The following TARBP1 variants were observed in gnomAD, a reference collection of about 807,000 sequenced individuals.
The protein encoded by TARBP1 is tRNA guanosine 2 -O-methyltransferase TARBP1, also known as tRNA (guanosine(18)-2'-O)-methyltransferase TARBP1.
In TARBP1, 144 loss-of-function variants were observed where a neutral mutation model predicts 178.6. The observed-to-expected ratio is 0.81, with a 90% confidence interval of 0.70 to 0.93. The LOEUF (loss-of-function observed/expected upper bound fraction) is 0.93. Ranked by LOEUF, TARBP1 falls within the 40% of genes least tolerant of loss-of-function variation. TARBP1 has a pLI of 0.00. For synonymous variants in TARBP1, 787 were observed against 781.0 expected, an observed-to-expected ratio of 1.01 and a Z score of -0.13; for missense variants, 2,067 against 2,011.7, an observed-to-expected ratio of 1.03 and a Z score of -0.53.
Position 234,418,094 on chromosome 1 carries a change from C to A in TARBP1, c.3695G>T (p.Cys1232Phe). The A allele has an allele frequency of 2.2e-6, 3 of 1,360,930 alleles. No individual in the cohort carries two copies. The highest frequency in any genetic ancestry group is 3.2e-5 in the South Asian group (2 of 62,974). 84.3% of individuals were successfully genotyped at this position (1,360,930 alleles called of 1,614,324 possible). The change falls in exon 22 of 30, where the codon TGT becomes TTT. Residue 1232 changes from cysteine to phenylalanine, a missense_variant. Coordinates refer to ENST00000040877, the MANE Select transcript of TARBP1 (RefSeq NM_005646.4). ...FPQFLPKFWD[C>F]FSYGEENLKT... ...ATATTCTTTACTTACATAAGAAAAA[C>A]AATCCCAGAACTTTGGAAGAAATTG...
intron 6 of TARBP1, among the ~76,000 whole-genome samples, chr1:234,462,687 C>CAAAAAAAAAAAAAAAAAAAAAAAAAAAA (rs35604890): frequency 9.7e-6 from 1 of 102,800 alleles, no homozygotes; most frequent in Non-Finnish European, 1.9e-5. Context: ...GACTTCATCT[C>CAAAAAAAAAAAAAAAAAAAAAAAAAAAA]AAAAAAAAAA....
In TARBP1 at chr1:234,451,766, A is replaced by AAAAAAAAAAAAAAAAAAAAAAAAAC. The variant is rs57636903; in HGVS notation, c.1723-1201_1723-1200insGTTTTTTTTTTTTTTTTTTTTTTTT. Among the ~76,000 whole-genome samples the AAAAAAAAAAAAAAAAAAAAAAAAAC allele has an allele frequency of 1.2e-4, 2 of 17,174 alleles. 1 individual carries two copies. Among genetic ancestry groups the AAAAAAAAAAAAAAAAAAAAAAAAAC allele is most frequent in the African/African-American group, 8.2e-4 (2 of 2,438 alleles). The allele number at this position is 17,174 out of a possible 152,430, so 11.3% of individuals were successfully genotyped here. A position where few individuals can be genotyped will look rare whatever the true frequency, so the allele number is the denominator to read the frequency against. ...TCCGTCTCAAAAAAAAAAAAAAAAAATGATGAATGACTGGATCATCGAAGT... is the reference window on the plus strand; with the variant it reads ...TCCGTCTCAAAAAAAAAAAAAAAAAAAAAAAAAAAAAAAAAAAAAAAAAACTGATGAATGACTGGATCATCGAAGT... On this transcript the variant is annotated intron_variant, in intron 9 of 29. Coordinates refer to ENST00000040877, the MANE Select transcript of TARBP1 (RefSeq NM_005646.4).
intron 21 of TARBP1, among the ~76,000 whole-genome samples, chr1:234,418,670 T>C (rs1287876344): frequency 6.6e-6 from 1 of 152,214 alleles, no homozygotes; most frequent in Non-Finnish European, 1.5e-5. Context: ...CTTGGGCCAC[T>C]GAGCCCTCTG....
chr1:234,395,442 C>T (rs910280605), intron 26 of TARBP1, among the ~76,000 whole-genome samples: 1 of 152,114 alleles, frequency 6.6e-6, no homozygotes, highest in Non-Finnish European at 1.5e-5. Flanking sequence ...GAGGAGGAGG[C>T]AGCTTTGGGA....
chr1:234,450,678 G>A (rs755074528), intron 9 of TARBP1, 112 bp from the exon 10 acceptor site: 20 of 1,207,470 alleles, frequency 1.7e-5, no homozygotes, highest in South Asian at 9.0e-5. Context: ...TTAAATAATC[G>A]AATACAAAGT....
intron 17 of TARBP1, among the ~76,000 whole-genome samples, chr1:234,428,644 C>T (rs1196041248): frequency 6.6e-6 from 1 of 152,060 alleles, no homozygotes; most frequent in South Asian, 2.1e-4. Context: ...CTCCTGGGTT[C>T]AAGCAATTCT....
chr1:234,450,521 G>A lies in TARBP1; in HGVS notation c.1768C>T (p.Pro590Ser). The A allele has an allele frequency of 1.2e-6, 2 of 1,611,474 alleles. No individual in the cohort carries two copies. The highest frequency in any genetic ancestry group is 1.7e-6 in the Non-Finnish European group (2 of 1,179,084). The change falls in exon 10 of 30, where the codon CCT becomes TCT. Residue 590 changes from proline to serine, a missense_variant. Physicochemically the swap from Pro to Ser is moderately conservative, Grantham distance 74. Transcript: ENST00000040877. Reference protein sequence around the residue: ...RVNESYFKPSPTCSSIGLHKT... With the variant: ...RVNESYFKPSSTCSSIGLHKT... ...TGAAGTCCAATGGAGCTACACGTAG[G>A]GGATGGCTTAAAATAGCTTTCATTA...
intron 1 of TARBP1, among the ~76,000 whole-genome samples, chr1:234,476,102 G>A (rs768668194): frequency 6.6e-6 from 1 of 152,186 alleles, no homozygotes; most frequent in Non-Finnish European, 1.5e-5. Context: ...TATCGAACTT[G>A]CAGATAACTA....
Position 234,420,775 on chromosome 1 carries a change from A to T in TARBP1, c.3482T>A (p.Val1161Glu). The T allele has an allele frequency of 6.2e-7, 1 of 1,611,882 alleles. No individual in the cohort carries two copies. The highest frequency in any genetic ancestry group is 1.1e-5 in the South Asian group (1 of 90,708). ...LVSKSKKRYY[V>E]NSLQHRVKNR... ...TTTCACTCTGTGCTGTAGAGAATTCACATAGTAGCGTTTTTTGGACTTGGA... is the reference window on the plus strand; with the variant it reads ...TTTCACTCTGTGCTGTAGAGAATTCTCATAGTAGCGTTTTTTGGACTTGGA... Residue 1161 changes from valine (V) to glutamate (E), a missense_variant, in exon 21 of 30, where the codon GTG becomes GAG. Coordinates refer to ENST00000040877, the MANE Select transcript of TARBP1 (RefSeq NM_005646.4).
chr1:234,460,135 C>A, intron 7 of TARBP1, 126 bp downstream of exon 7: 1 of 1,071,724 alleles, frequency 9.3e-7, no homozygotes. Flanking sequence ...AAATTAAGAG[C>A]CCAAACATCC....
chr1:234,401,972 T>C (rs925311945), intron 24 of TARBP1, among the ~76,000 whole-genome samples: 1 of 152,192 alleles, frequency 6.6e-6, no homozygotes, highest in Non-Finnish European at 1.5e-5. Context: ...CAAAGGGCAA[T>C]ACCCTGCCCC....
At chr1:234,426,856 A>G (rs536321285) in intron 19 of TARBP1, among the ~76,000 whole-genome samples, 16 of 152,346 alleles carry the variant, frequency 1.1e-4, no homozygotes, top group African/African-American at 2.9e-4. Context: ...CATTACTTCA[A>G]TAAAGAGTTT....
At chr1:234,473,801 A>G (rs968960000) in intron 1 of TARBP1, among the ~76,000 whole-genome samples, 1 of 152,234 alleles carries the variant, frequency 6.6e-6, no homozygotes, top group Non-Finnish European at 1.5e-5. Context: ...GGAAACCTCT[A>G]CACTAAAGAT....
intron 23 of TARBP1, among the ~76,000 whole-genome samples, chr1:234,409,549 C>T (rs1306908370): frequency 6.6e-6 from 1 of 152,194 alleles, no homozygotes; most frequent in East Asian, 1.9e-4. Flanking sequence ...GGAACTGTAA[C>T]ACACTGCCAT....
chr1:234,436,522 TA>T (rs202012432), intron 13 of TARBP1, among the ~76,000 whole-genome samples: 3,561 of 152,300 alleles, frequency 0.023, 57 homozygotes, highest in South Asian at 0.062. Context: ...CTTTCTATAA[TA>T]AAATCTCAAG....
rs543038088 is a variant in TARBP1, at chr1:234,455,116, G to A, written c.1722+2551C>T. On this transcript the variant is annotated intron_variant, in intron 9 of 29. Coordinates refer to ENST00000040877, the MANE Select transcript of TARBP1 (RefSeq NM_005646.4). ...GACTCGCCCCTACAAGGAAGCACAA[G>A]CCAGCCAGAATCTTAATTGCAGACG... 3.9e-5 allele frequency among the ~76,000 whole-genome samples: 6 copies of A among 152,306 alleles called. No individual in the cohort carries two copies. The East Asian group carries it at 1.2e-3, about 29-fold the overall frequency.
rs1663896685 is a variant in TARBP1, at chr1:234,427,350, C to A, written c.3290G>T (p.Gly1097Val). The change falls in exon 19 of 30, where the codon GGA (glycine) becomes GTA (valine). Residue 1097 changes from glycine (G) to valine (V), a missense_variant. Gly to Val is a moderately radical substitution (Grantham distance 109, BLOSUM62 -3). Coordinates refer to ENST00000040877, the MANE Select transcript of TARBP1 (RefSeq NM_005646.4). The stretch of plus-strand genomic sequence containing the variant: ...AACAATATTTGCCGCACAGTCATGT[C>A]CAAGGTTTTCTATGAAGGTCTGTAC... ...QDVQTFIENL[G>V]HDCAANIVME... The A allele has an allele frequency of 1.2e-6, 2 of 1,612,404 alleles. No individual in the cohort carries two copies. Among genetic ancestry groups the A allele is most frequent in the East Asian group, 4.5e-5 (2 of 44,764 alleles).
chr1:234,460,484 C>A, intron 6 of TARBP1, 88 bp from the exon 7 acceptor site: 1 of 1,396,386 alleles, frequency 7.2e-7, no homozygotes, highest in South Asian at 1.3e-5. Context: ...AAATACAAGT[C>A]AAAACCATAG....
In TARBP1 at chr1:234,479,106, G is replaced by C; in HGVS notation, c.-3C>G. On this transcript the variant is annotated 5_prime_UTR_variant, in exon 1 of 30. Coordinates refer to ENST00000040877, the MANE Select transcript of TARBP1 (RefSeq NM_005646.4). ...GCTTCCGCGAGCACCCACTCCATTT[G>C]CCGAGCGCCCGCGCCACCGGCCCGG... The C allele has an allele frequency of 1.3e-6, 2 of 1,527,914 alleles. No individual in the cohort carries two copies. The highest frequency in any genetic ancestry group is 1.7e-6 in the Non-Finnish European group (2 of 1,151,406). The allele number at this position is 1,527,914 out of a possible 1,614,324, so 94.6% of individuals were successfully genotyped here. A position where few individuals can be genotyped will look rare whatever the true frequency, so the allele number is the denominator to read the frequency against.
Sources: allele counts gnomAD v4.1 joint callset (sites outside exome capture counted in the v4.1 genomes callset), GRCh38; gene constraint gnomAD v4.1.1; transcripts MANE v1.5; gene names NCBI Gene and HGNC (gene_info 2026-07-23, HGNC 2026-07-21).